The following TAF3 variants were observed in gnomAD, a reference collection of about 807,000 sequenced individuals.
TAF3 encodes transcription initiation factor TFIID subunit 3.
TAF3 carries 7 observed loss-of-function variants against 80.6 expected under a neutral mutation model. The observed-to-expected ratio is 0.09, with a 90% CI of 0.05 to 0.16. The LOEUF is 0.16. Among genes scored for constraint, TAF3 ranks in the 10% least tolerant of loss-of-function variants. The pLI, the probability that TAF3 is intolerant of heterozygous loss-of-function variation, is 1.00. For synonymous variants in TAF3, 444 were observed against 446.1 expected (o/e 1.00, Z 0.06); for missense variants, 921 against 1,140.2 (o/e 0.81, Z 2.77).
chr10:7,833,131 G>T (rs1016941110), intron 2 of TAF3, among the ~76,000 whole-genome samples: 7 of 152,308 alleles, frequency 4.6e-5, no homozygotes, highest in Admixed American at 1.3e-4. Flanking sequence ...GGTTATTTCT[G>T]TAACTTGGCT....
intron 2 of TAF3, among the ~76,000 whole-genome samples, chr10:7,844,293 T>A (rs1836947289): frequency 6.6e-6 from 1 of 152,164 alleles, no homozygotes; most frequent in African/African-American, 2.4e-5. Flanking sequence ...TAAACATTAT[T>A]ACTAGAGTCC....
At chr10:7,888,992 G>C (rs1164505722) in intron 2 of TAF3, among the ~76,000 whole-genome samples, 1 of 152,216 alleles carries the variant, frequency 6.6e-6, no homozygotes, top group African/African-American at 2.4e-5. Flanking sequence ...ACATAGACAG[G>C]ATGGTTGAGG....
At chr10:7,819,250 G>T (rs1266424470) in intron 1 of TAF3, among the ~76,000 whole-genome samples, 2 of 151,870 alleles carry the variant, frequency 1.3e-5, no homozygotes, top group African/African-American at 4.8e-5. Flanking sequence ...TTTCTCCCTT[G>T]CCCGCAAACT....
chr10:7,888,406 T>G (rs1386237673), intron 2 of TAF3, among the ~76,000 whole-genome samples: 1 of 152,230 alleles, frequency 6.6e-6, no homozygotes, highest in Non-Finnish European at 1.5e-5. Context: ...AAAAGTTTCT[T>G]GAATATTTTG....
chr10:7,991,714 T>C (rs1831835961), intron 4 of TAF3, among the ~76,000 whole-genome samples: 1 of 152,220 alleles, frequency 6.6e-6, no homozygotes, highest in Admixed American at 6.5e-5. Context: ...ATATACACTA[T>C]ATTTTTTCCA....
Position 7,864,532 on chromosome 10 carries a change from G to C in TAF3, c.409+39972G>C, listed in dbSNP as rs147181789. Among the ~76,000 whole-genome samples, 1,507 of 152,322 alleles carry C rather than the reference G, an allele frequency of 9.9e-3. 10 individuals are homozygous for C. Among genetic ancestry groups the C allele is most frequent in the Non-Finnish European group, 0.017 (1,154 of 68,040 alleles). On this transcript the variant is annotated intron_variant, in intron 2 of 6. Coordinates refer to ENST00000344293, the MANE Select transcript of TAF3 (RefSeq NM_031923.4). Reference sequence around the variant, plus strand: ...TGCTATACAACAGATCTCTTGAAATGTGTTCCTCCTATCTAAGCGTAATAA... The same window carrying C: ...TGCTATACAACAGATCTCTTGAAATCTGTTCCTCCTATCTAAGCGTAATAA...
At chr10:7,932,694 T>G (rs868535538) in intron 2 of TAF3, among the ~76,000 whole-genome samples, 42 of 119,904 alleles carry the variant, frequency 3.5e-4, no homozygotes, top group African/African-American at 1.4e-3. Flanking sequence ...TTTTTTTTTT[T>G]GGAGAGAGGG....
intron 2 of TAF3, among the ~76,000 whole-genome samples, chr10:7,831,985 T>C (rs1046285335): frequency 3.3e-5 from 5 of 152,204 alleles, no homozygotes; most frequent in Admixed American, 2.6e-4. Context: ...TGTGGAATAA[T>C]TAAGTCAAGC....
intron 2 of TAF3, among the ~76,000 whole-genome samples, chr10:7,841,925 C>T (rs1588520005): frequency 2.6e-5 from 4 of 152,124 alleles, no homozygotes; most frequent in East Asian, 3.9e-4. Context: ...AAACATGACA[C>T]GAACCTCGTA....
intron 2 of TAF3, among the ~76,000 whole-genome samples, chr10:7,949,824 A>T (rs1437349861): frequency 6.6e-6 from 1 of 152,190 alleles, no homozygotes; most frequent in African/African-American, 2.4e-5. Flanking sequence ...GAAACATAGA[A>T]GGGTTGCAGT....
intron 2 of TAF3, among the ~76,000 whole-genome samples, chr10:7,860,347 TA>T (rs1368477297): frequency 2.0e-5 from 3 of 152,134 alleles, no homozygotes; most frequent in Non-Finnish European, 2.9e-5. Flanking sequence ...AATTAGTTTT[TA>T]TAAATGGTTG....
Position 7,965,150 on chromosome 10 carries a change from A to G in TAF3, c.1640A>G (p.Asp547Gly). 6.2e-7 allele frequency: 1 copy of G among 1,611,850 alleles called. No homozygotes were observed. Among genetic ancestry groups the G allele is most frequent in the Non-Finnish European group, 8.5e-7 (1 of 1,179,420 alleles). Reference protein sequence around the residue: ...EKQRDREREKDKNKDKSKEKD... With the variant: ...EKQRDREREKGKNKDKSKEKD... Reference sequence around the variant, plus strand: ...CAGAGAGATAGGGAGAGGGAAAAAGACAAGAACAAGGACAAAAGTAAGGAG... The same window carrying G: ...CAGAGAGATAGGGAGAGGGAAAAAGGCAAGAACAAGGACAAAAGTAAGGAG... Residue 547 changes from aspartate (D) to glycine (G), a missense_variant, in exon 3 of 7, where the codon GAC (aspartate) becomes GGC (glycine). This residue lies in a region of TAF3 where 743 missense variants were observed against 821.0 expected (regional missense o/e 0.90). Coordinates refer to ENST00000344293, the MANE Select transcript of TAF3 (RefSeq NM_031923.4).
chr10:7,909,315 C>T (rs113190840), intron 2 of TAF3, among the ~76,000 whole-genome samples: 25 of 152,180 alleles, frequency 1.6e-4, no homozygotes, highest in Non-Finnish European at 2.9e-4. Context: ...TGTACATGCA[C>T]CCTAGTCAGG....
In TAF3 at chr10:7,836,209, C is replaced by T. The variant is rs139408206; in HGVS notation, c.409+11649C>T. 7.2e-3 allele frequency among the ~76,000 whole-genome samples: 1,100 copies of T among 152,204 alleles called. 17 individuals are homozygous for T. The highest frequency in any genetic ancestry group is 0.025 in the African/African-American group (1,027 of 41,520). On this transcript the variant is annotated intron_variant, in intron 2 of 6. Coordinates refer to ENST00000344293, the MANE Select transcript of TAF3 (RefSeq NM_031923.4). Reference sequence around the variant, plus strand: ...TTGAACCCCCATCTGTATGCTGATGCCTCCCCAAACTGTCCCTCTACATCC... The same window carrying T: ...TTGAACCCCCATCTGTATGCTGATGTCTCCCCAAACTGTCCCTCTACATCC...
chr10:7,841,661 G>C (rs1448618868), intron 2 of TAF3, among the ~76,000 whole-genome samples: 3 of 151,980 alleles, frequency 2.0e-5, no homozygotes, highest in Non-Finnish European at 2.9e-5. Flanking sequence ...ATGATAGGAA[G>C]GACCAAATTT....
chr10:7,964,106 G>T lies in TAF3; in HGVS notation c.596G>T (p.Ser199Ile). The change falls in exon 3 of 7, where the codon AGC (serine) becomes ATC (isoleucine). Residue 199 changes from serine to isoleucine, a missense_variant. This residue lies in a region of TAF3 where 743 missense variants were observed against 821.0 expected (regional missense o/e 0.90). Coordinates refer to ENST00000344293, the MANE Select transcript of TAF3 (RefSeq NM_031923.4). This position sits in a 1 kb window ranked among gnomAD's most constrained non-coding sequence, Gnocchi z 4.1. ...GCCATGAAGCGGCCTCGGCTATTAA[G>T]CACTAAAGGGGACACGCTAGATGTT... ...LPAMKRPRLLSTKGDTLDVVL... is the reference protein window; with the variant it reads ...LPAMKRPRLLITKGDTLDVVL... The T allele has an allele frequency of 6.2e-7, 1 of 1,614,078 alleles. No homozygotes were observed. The highest frequency in any genetic ancestry group is 8.5e-7 in the Non-Finnish European group (1 of 1,180,028).
intron 2 of TAF3, among the ~76,000 whole-genome samples, chr10:7,840,901 G>A (rs1328881380): frequency 6.6e-6 from 1 of 151,248 alleles, no homozygotes; most frequent in African/African-American, 2.4e-5. Context: ...CCAGGCTGGC[G>A]TGCAATGGCG....
intron 2 of TAF3, among the ~76,000 whole-genome samples, chr10:7,870,359 A>G (rs146219491): frequency 6.6e-6 from 1 of 152,182 alleles, no homozygotes; most frequent in African/African-American, 2.4e-5. Context: ...CCATCAGGAT[A>G]TGTTCTCTCC....
rs566101067 is a variant in TAF3, at chr10:7,864,928, A to G, written c.409+40368A>G. Among the ~76,000 whole-genome samples the G allele has an allele frequency of 2.9e-4, 44 of 151,768 alleles. No individual in the cohort carries two copies. In the South Asian group the frequency reaches 7.9e-3, roughly 27 times the overall value. ...TCCTGTGTTATCTTCTAGAAGTTTT[A>G]TAGTTTTAGGTTTTGGGTGGCTGGG... On this transcript the variant is annotated intron_variant, in intron 2 of 6. Transcript: ENST00000344293.
Sources: gnomAD v4.1 joint callset for allele counts (sites outside exome capture counted in the v4.1 genomes callset) on GRCh38, gnomAD v4.1.1 for gene constraint, gnomAD v4.1.1 regional missense constraint, Gnocchi (gnomAD v3.1) non-coding constraint, MANE v1.5 for transcripts, NCBI Gene and HGNC (gene_info 2026-07-23, HGNC 2026-07-21) for gene names.